The following RABGAP1L variants were observed in gnomAD, a reference collection of about 807,000 sequenced individuals.
RABGAP1L encodes RAB GTPase activating protein 1 like.
In RABGAP1L, 63 loss-of-function variants were observed where a neutral mutation model predicts 137.7. That is an observed-to-expected ratio of 0.46 (90% CI 0.37 to 0.56). The LOEUF (loss-of-function observed/expected upper bound fraction) is 0.56, where lower values mean the gene tolerates loss of function less well. RABGAP1L is among the 20% of genes least tolerant of loss of function. The probability of loss-of-function intolerance (pLI) is 0.00; values close to 1 mark genes in which losing one functional copy is unlikely to be tolerated. For synonymous variants in RABGAP1L, 431 were observed against 433.7 expected (o/e 0.99, Z 0.08); for missense variants, 1,095 against 1,244.0 (o/e 0.88, Z 1.80).
intron 18 of RABGAP1L, among the ~76,000 whole-genome samples, chr1:174,756,431 T>C (rs980241838): frequency 3.3e-5 from 5 of 152,142 alleles, no homozygotes; most frequent in Admixed American, 6.6e-5. Context: ...ATTACAGGCA[T>C]GAGCCACCGC....
Position 174,761,531 on chromosome 1 carries a change from T to C in RABGAP1L, c.2211+9177T>C, listed in dbSNP as rs1685220843. Among the ~76,000 whole-genome samples the C allele has an allele frequency of 6.8e-6, 1 of 146,646 alleles. No individual in the cohort carries two copies. Among genetic ancestry groups the C allele is most frequent in the African/African-American group, 2.5e-5 (1 of 39,274 alleles). On this transcript the variant is annotated intron_variant, in intron 18 of 25. Coordinates refer to ENST00000681986, the MANE Select transcript of RABGAP1L (RefSeq NM_001366446.1). The surrounding 1 kb of genome is among the most constrained non-coding windows in gnomAD (Gnocchi z 4.0). ...GCGCTGCTCACTTCCCAGCAGAGGC[T>C]CTCCTCACTTCCCAGATGGTGGGGC...
intron 13 of RABGAP1L, among the ~76,000 whole-genome samples, chr1:174,577,428 A>T (rs939849757): frequency 6.6e-6 from 1 of 152,028 alleles, no homozygotes; most frequent in African/African-American, 2.4e-5. Flanking sequence ...TAAAAATATT[A>T]AAAAACACCT....
At chr1:174,359,852 A>C (rs893204911) in intron 11 of RABGAP1L, among the ~76,000 whole-genome samples, 4 of 152,236 alleles carry the variant, frequency 2.6e-5, no homozygotes, top group African/African-American at 9.6e-5. Context: ...TAGAGGATTA[A>C]ATAGATTAAT....
intron 18 of RABGAP1L, chr1:174,799,974 ACACACT>A (rs1688598973): frequency 1.0e-6 from 1 of 992,522 alleles, no homozygotes; most frequent in African/African-American, 1.8e-5. Context: ...ACACACACAC[ACACACT>A]CTCACACATT....
chr1:174,615,931 A>G (rs749155456), intron 13 of RABGAP1L, among the ~76,000 whole-genome samples: 3 of 152,198 alleles, frequency 2.0e-5, no homozygotes, highest in African/African-American at 7.2e-5. Flanking sequence ...GCCCGTTGGA[A>G]AAGTGCAGTA....
At chr1:174,349,828 C>T (rs1228775356) in intron 11 of RABGAP1L, among the ~76,000 whole-genome samples, 2 of 138,046 alleles carry the variant, frequency 1.4e-5, no homozygotes, top group African/African-American at 5.3e-5. Context: ...CGCCCCTCAC[C>T]TCCCAGACGG....
At chr1:174,506,037 A>T (rs1411892481) in intron 13 of RABGAP1L, among the ~76,000 whole-genome samples, 2 of 152,238 alleles carry the variant, frequency 1.3e-5, no homozygotes, top group Admixed American at 6.5e-5. Flanking sequence ...GAAATAAACT[A>T]GGCACAGAAA....
At chr1:174,688,278 A>G (rs1385072578) in intron 15 of RABGAP1L, among the ~76,000 whole-genome samples, 1 of 152,104 alleles carries the variant, frequency 6.6e-6, no homozygotes, top group Non-Finnish European at 1.5e-5. Flanking sequence ...TAATTTTTCT[A>G]CAATATTTAT....
At chr1:174,891,173 G>A (rs2149119372) in intron 19 of RABGAP1L, among the ~76,000 whole-genome samples, 1 of 152,332 alleles carries the variant, frequency 6.6e-6, no homozygotes, top group East Asian at 1.9e-4. Flanking sequence ...TTATCAGATT[G>A]TCAGGGGACG....
chr1:174,184,186 G>C (rs1160117744), intron 1 of RABGAP1L, among the ~76,000 whole-genome samples: 1 of 152,114 alleles, frequency 6.6e-6, no homozygotes, highest in Admixed American at 6.5e-5. Context: ...CTTTCACCTA[G>C]TAAAATGCAT....
intron 19 of RABGAP1L, among the ~76,000 whole-genome samples, chr1:174,955,976 A>G (rs1470239110): frequency 6.6e-6 from 1 of 152,206 alleles, no homozygotes; most frequent in African/African-American, 2.4e-5. Flanking sequence ...TTGTCCAAAG[A>G]AAGGCTAAAA....
chr1:174,526,285 A>G (rs1663864762), intron 13 of RABGAP1L, among the ~76,000 whole-genome samples: 1 of 151,960 alleles, frequency 6.6e-6, no homozygotes, highest in Non-Finnish European at 1.5e-5. Context: ...ATATTGACCT[A>G]TAGTTTTTTG....
At chr1:174,578,800 A>G (rs1195150226) in intron 13 of RABGAP1L, among the ~76,000 whole-genome samples, 1 of 150,318 alleles carries the variant, frequency 6.7e-6, no homozygotes, top group Non-Finnish European at 1.5e-5. Context: ...TCTATGTTAT[A>G]TTATTACTTT....
chr1:174,766,139 A>G (rs1273241204), intron 18 of RABGAP1L, among the ~76,000 whole-genome samples: 1 of 152,204 alleles, frequency 6.6e-6, no homozygotes, highest in Non-Finnish European at 1.5e-5. Flanking sequence ...CAGGGAGAAG[A>G]CAGCCATCTA....
At chr1:174,456,064 T>C (rs907702896) in intron 13 of RABGAP1L, among the ~76,000 whole-genome samples, 2 of 152,118 alleles carry the variant, frequency 1.3e-5, no homozygotes, top group Non-Finnish European at 2.9e-5. Flanking sequence ...TTATTTGATA[T>C]AGAAGAAATT....
At chr1:174,317,849 C>T (rs1679534679) in intron 11 of RABGAP1L, among the ~76,000 whole-genome samples, 1 of 152,112 alleles carries the variant, frequency 6.6e-6, no homozygotes, top group South Asian at 2.1e-4. Flanking sequence ...TTGGCCAGGG[C>T]TGGTTTAAAT....
intron 21 of RABGAP1L, among the ~76,000 whole-genome samples, chr1:174,972,053 C>T (rs981650668): frequency 1.1e-4 from 16 of 152,194 alleles, no homozygotes; most frequent in African/African-American, 2.9e-4. Context: ...CTCGCCCTCT[C>T]TCGGATTCCT....
intron 16 of RABGAP1L, chr1:174,701,061 G>A: frequency 1.5e-6 from 2 of 1,303,004 alleles, no homozygotes; most frequent in East Asian, 5.6e-5. Context: ...TGTAGTTCAA[G>A]AAATGGCTTA....
At chr1:174,277,660 T>C (rs1432523488) in intron 9 of RABGAP1L, among the ~76,000 whole-genome samples, 1 of 152,020 alleles carries the variant, frequency 6.6e-6, no homozygotes, top group Admixed American at 6.6e-5. Flanking sequence ...ACTCAGAGAA[T>C]GTGTGATCAA....
Sources: gnomAD v4.1 joint callset for allele counts (sites outside exome capture counted in the v4.1 genomes callset) on GRCh38, gnomAD v4.1.1 for gene constraint, Gnocchi (gnomAD v3.1) non-coding constraint, MANE v1.5 for transcripts, NCBI Gene and HGNC (gene_info 2026-07-23, HGNC 2026-07-21) for gene names.